KCNIP4: variants seen among roughly 807,000 people sequenced by gnomAD.
The protein encoded by KCNIP4 is Kv channel-interacting protein 4.
KCNIP4 carries 12 observed loss-of-function variants against 34.0 expected under a neutral mutation model. The ratio of observed to expected loss-of-function variants is 0.35; its 90% CI spans 0.23 to 0.57. KCNIP4 has a LOEUF of 0.57. KCNIP4 is among the 20% of genes least tolerant of loss of function. KCNIP4 has a pLI of 0.83. For synonymous variants in KCNIP4, 124 were observed against 102.2 expected, an observed-to-expected ratio of 1.21 and a Z score of -1.29; for missense variants, 238 against 311.7, an observed-to-expected ratio of 0.76 and a Z score of 1.78.
At chr4:21,744,569 T>G (rs1716643185) in intron 1 of KCNIP4, among the ~76,000 whole-genome samples, 2 of 152,208 alleles carry the variant, frequency 1.3e-5, no homozygotes, top group African/African-American at 4.8e-5. Flanking sequence ...CCTGCTTCCC[T>G]GAGCTTTCTC....
chr4:21,818,562 G>T (rs749851429), intron 1 of KCNIP4, among the ~76,000 whole-genome samples: 16 of 152,188 alleles, frequency 1.1e-4, no homozygotes, highest in Non-Finnish European at 2.4e-4. Flanking sequence ...TAACAATTCA[G>T]CTCTTCAGTC....
At chr4:21,591,560 C>T (rs1317060204) in intron 1 of KCNIP4, among the ~76,000 whole-genome samples, 2 of 151,732 alleles carry the variant, frequency 1.3e-5, no homozygotes, top group Non-Finnish European at 2.9e-5. Flanking sequence ...TTTGGATGTA[C>T]GTGTAAATTC....
chr4:21,592,643 C>A (rs528081770), intron 1 of KCNIP4, among the ~76,000 whole-genome samples: 2 of 152,082 alleles, frequency 1.3e-5, no homozygotes. Context: ...AATTCAACAT[C>A]ATTGTAAGGC....
chr4:21,528,684 A>G (rs566180725), intron 1 of KCNIP4, among the ~76,000 whole-genome samples: 1 of 2,128 alleles, frequency 4.7e-4, no homozygotes, highest in Admixed American at 8.5e-3. Context: ...ACAAAGAAAG[A>G]AAGAAAGAAA....
In KCNIP4 at chr4:21,571,109, G is replaced by A. The variant is rs577163841; in HGVS notation, c.61+377462C>T. ...ACTCAAGTGCCACCTGGCAGCTTGA[G>A]CCATTTCTCTAAGTTCTTCGTTCAG... On this transcript the variant is annotated intron_variant, in intron 1 of 8. Transcript: ENST00000382152. Among the ~76,000 whole-genome samples the A allele has an allele frequency of 3.3e-5, 5 of 152,248 alleles. No individual in the cohort carries two copies. In the East Asian group the frequency reaches 7.8e-4, roughly 24 times the overall value.
At chr4:20,987,806 T>C (rs1261447703) in intron 1 of KCNIP4, among the ~76,000 whole-genome samples, 1 of 151,298 alleles carries the variant, frequency 6.6e-6, no homozygotes, top group African/African-American at 2.4e-5. Flanking sequence ...GAGACCATAC[T>C]GGCTAACACG....
chr4:21,388,501 T>C (rs1253644498), intron 1 of KCNIP4, among the ~76,000 whole-genome samples: 1 of 152,122 alleles, frequency 6.6e-6, no homozygotes. Flanking sequence ...AACAGTTTTA[T>C]TGGGGTATAA....
chr4:20,963,057 C>A (rs1474081949), intron 1 of KCNIP4, among the ~76,000 whole-genome samples: 1 of 152,034 alleles, frequency 6.6e-6, no homozygotes, highest in Admixed American at 6.6e-5. Context: ...CATGGTGGCT[C>A]ACATCTGTAA....
At chr4:20,881,220 G>A (rs1208107323) in intron 2 of KCNIP4, among the ~76,000 whole-genome samples, 2 of 152,112 alleles carry the variant, frequency 1.3e-5, no homozygotes, top group Non-Finnish European at 2.9e-5. Flanking sequence ...GAAACAAATT[G>A]CTATTCTATT....
intron 1 of KCNIP4, among the ~76,000 whole-genome samples, chr4:21,257,065 C>T (rs1577973929): frequency 6.6e-6 from 1 of 152,140 alleles, no homozygotes; most frequent in African/African-American, 2.4e-5. Flanking sequence ...AATAAATAAA[C>T]ATTTGTTGAA....
In KCNIP4 at chr4:21,618,875, C is replaced by T. The variant is rs952509841; in HGVS notation, c.61+329696G>A. 5.3e-5 allele frequency among the ~76,000 whole-genome samples: 8 copies of T among 151,980 alleles called. No homozygotes were observed. The East Asian group carries it at 9.7e-4, about 18-fold the overall frequency. ...GTCTCGATCACCTGACCTCGTGATC[C>T]GCCCACCACAGCCTCCCAAAGTTCT... On this transcript the variant is annotated intron_variant, in intron 1 of 8. Transcript: ENST00000382152.
At chr4:21,324,099 G>A (rs564059779) in intron 1 of KCNIP4, among the ~76,000 whole-genome samples, 47 of 151,970 alleles carry the variant, frequency 3.1e-4, no homozygotes, top group African/African-American at 1.0e-3. Flanking sequence ...TGTATTATCA[G>A]ATTTTTTTCC....
intron 3 of KCNIP4, among the ~76,000 whole-genome samples, chr4:20,844,153 G>A (rs1720089210): frequency 6.6e-6 from 1 of 152,146 alleles, no homozygotes; most frequent in African/African-American, 2.4e-5. Context: ...TTCAAGCTCA[G>A]AAATGGCAGC....
chr4:20,765,956 A>C (rs1334538515), intron 3 of KCNIP4, among the ~76,000 whole-genome samples: 1 of 152,194 alleles, frequency 6.6e-6, no homozygotes, highest in African/African-American at 2.4e-5. Flanking sequence ...TACTAATATC[A>C]ATTTTAATAA....
At chr4:20,755,920 G>T (rs1754385844) in intron 4 of KCNIP4, among the ~76,000 whole-genome samples, 3 of 152,108 alleles carry the variant, frequency 2.0e-5, no homozygotes, top group Non-Finnish European at 4.4e-5. Flanking sequence ...AGAGGATAAG[G>T]CAGAGAAGGG....
intron 1 of KCNIP4, among the ~76,000 whole-genome samples, chr4:20,996,872 A>G (rs1409698676): frequency 6.6e-6 from 1 of 152,040 alleles, no homozygotes; most frequent in Admixed American, 6.6e-5. Context: ...CACTGTCTCC[A>G]GGAACTAGGA....
intron 1 of KCNIP4, among the ~76,000 whole-genome samples, chr4:21,326,427 T>A (rs1715056769): frequency 6.6e-6 from 1 of 151,172 alleles, no homozygotes; most frequent in East Asian, 1.9e-4. Flanking sequence ...ATCCTGCTGT[T>A]TTTTGGTTTC....
chr4:21,506,620 T>G (rs1484949471), intron 1 of KCNIP4, among the ~76,000 whole-genome samples: 7 of 152,226 alleles, frequency 4.6e-5, no homozygotes, highest in African/African-American at 1.7e-4. Flanking sequence ...TTCATTCATT[T>G]CTTTACCCCC....
At chr4:21,667,101 A>G (rs1247953952) in intron 1 of KCNIP4, among the ~76,000 whole-genome samples, 2 of 152,202 alleles carry the variant, frequency 1.3e-5, no homozygotes, top group Non-Finnish European at 2.9e-5. Flanking sequence ...GAGAAACTTG[A>G]AGAGGAAAGA....
Sources: gnomAD v4.1 joint callset for allele counts (sites outside exome capture counted in the v4.1 genomes callset) on GRCh38, gnomAD v4.1.1 for gene constraint, MANE v1.5 for transcripts, NCBI Gene and HGNC (gene_info 2026-07-23, HGNC 2026-07-21) for gene names.